AGFG2: variants seen among roughly 807,000 people sequenced by gnomAD.
AGFG2 encodes the protein ArfGAP with FG repeats 2, also known as arf-GAP domain and FG repeat-containing protein 2.
A neutral mutation model predicts 48.0 loss-of-function variants in AGFG2; 31 were observed. The observed-to-expected ratio is 0.65, with a 90% confidence interval of 0.49 to 0.87. AGFG2 has a LOEUF of 0.87. Among genes scored for constraint, AGFG2 ranks in the 40% least tolerant of loss-of-function variants. The pLI is 0.00. For synonymous variants in AGFG2, 229 were observed against 260.8 expected (o/e 0.88, Z 1.18); for missense variants, 599 against 632.6 (o/e 0.95, Z 0.57).
At position 100,555,496 on chromosome 7, in the gene AGFG2, C is replaced by T; in HGVS notation, c.752-114C>T. On this transcript the variant is annotated intron_variant, in intron 5 of 11. Transcript: ENST00000300176. ...CCATGTTGACCAGGCTGGTCTTGAA[C>T]TTCTGACCTCAAGTGATCTGCCCAC... 5.9e-6 allele frequency: 7 copies of T among 1,187,484 alleles called. No individual in the cohort carries two copies. In the South Asian group the frequency reaches 8.4e-5, roughly 14 times the overall value. 73.6% of individuals were successfully genotyped at this position (1,187,484 alleles called of 1,614,324 possible).
chr7:100,562,337 G>C lies in AGFG2; in HGVS notation c.956G>C (p.Ser319Thr), dbSNP rs766330369. 9.9e-6 allele frequency: 16 copies of C among 1,614,148 alleles called. No individual in the cohort carries two copies. The highest frequency in any genetic ancestry group is 1.3e-5 in the Non-Finnish European group (15 of 1,180,026). ...SQPNSLADVG[S>T]FLGPGVPAAG... ...CCAAACAGCCTCGCAGACGTGGGCA[G>C]CTTCCTGGGACCCGGGGTGCCCGCT... Residue 319 changes from serine to threonine, a missense_variant, in exon 7 of 12, where the codon AGC (serine) becomes ACC (threonine). Ser to Thr is a moderately conservative substitution (Grantham distance 58, BLOSUM62 1). Coordinates refer to ENST00000300176, the MANE Select transcript of AGFG2 (RefSeq NM_006076.5). The surrounding 1 kb of genome is among the most constrained non-coding windows in gnomAD (Gnocchi z 5.4).
intron 1 of AGFG2, among the ~76,000 whole-genome samples, chr7:100,548,066 C>G (rs1230708214): frequency 6.6e-6 from 1 of 152,088 alleles, no homozygotes; most frequent in African/African-American, 2.4e-5. Context: ...GCCCTGGGAC[C>G]TTGGGGATGG....
rs890770989 is a variant in AGFG2, at chr7:100,553,294, C to T, written c.432-53C>T. The T allele has an allele frequency of 1.6e-5, 25 of 1,595,940 alleles. No homozygotes were observed. In the Middle Eastern group the frequency reaches 1.2e-3, roughly 74 times the overall value. Reference sequence around the variant, plus strand: ...TGTCTTCCCAAACATCTCAGCTGAGCGTGGTCCAAAGTTTTATCCCTCTCT... The same window carrying T: ...TGTCTTCCCAAACATCTCAGCTGAGTGTGGTCCAAAGTTTTATCCCTCTCT... On this transcript the variant is annotated intron_variant, in intron 3 of 11. Coordinates refer to ENST00000300176, the MANE Select transcript of AGFG2 (RefSeq NM_006076.5).
chr7:100,555,272 T>C (rs1800734434), intron 5 of AGFG2, among the ~76,000 whole-genome samples: 2 of 137,070 alleles, frequency 1.5e-5, no homozygotes, highest in African/African-American at 5.5e-5. Flanking sequence ...GGTTTTTTTT[T>C]TTTTTTTTTT....
chr7:100,545,910 G>T (rs1052339382), intron 1 of AGFG2, among the ~76,000 whole-genome samples: 1 of 152,140 alleles, frequency 6.6e-6, no homozygotes, highest in African/African-American at 2.4e-5. Context: ...GATTCAGAAA[G>T]AAAAACTCTG....
At chr7:100,561,328 T>C (rs1018999981) in intron 6 of AGFG2, among the ~76,000 whole-genome samples, 2 of 152,186 alleles carry the variant, frequency 1.3e-5, no homozygotes, top group African/African-American at 4.8e-5. Flanking sequence ...GGTTTCACCA[T>C]GTTGGCAAGG....
At chr7:100,550,995 GGGACTACA>G (rs1394766104) in intron 3 of AGFG2, among the ~76,000 whole-genome samples, 1 of 134,058 alleles carries the variant, frequency 7.5e-6, no homozygotes, top group African/African-American at 2.8e-5. Context: ...CCCAGTAACT[GGGACTACA>G]GGTGTGTGCC....
At position 100,554,218 on chromosome 7, in the gene AGFG2, C is replaced by T. The variant is rs749122018; in HGVS notation, c.711C>T (p.Pro237=). ...ADIGGDPFAA[P]QMAPAFAAFP... is the part of the protein sequence containing the mutation. ...TCGGTGGAGACCCCTTTGCTGCACC[C>T]CAGATGGCACCAGCTTTTGCTGCAT... Residue 237 remains proline, a synonymous_variant, in exon 5 of 12, where the codon CCC becomes CCT. Coordinates refer to ENST00000300176, the MANE Select transcript of AGFG2 (RefSeq NM_006076.5). 1.2e-6 allele frequency: 2 copies of T among 1,613,808 alleles called. No individual in the cohort carries two copies. The highest frequency in any genetic ancestry group is 1.7e-6 in the Non-Finnish European group (2 of 1,179,922).
intron 1 of AGFG2, among the ~76,000 whole-genome samples, chr7:100,543,146 C>G (rs1184369967): frequency 1.3e-5 from 2 of 152,126 alleles, no homozygotes; most frequent in Non-Finnish European, 2.9e-5. Context: ...TCACTGCAAC[C>G]TCCACCTCCT....
At chr7:100,548,315 AG>A (rs1301761080) in intron 1 of AGFG2, among the ~76,000 whole-genome samples, 1 of 125,348 alleles carries the variant, frequency 8.0e-6, no homozygotes, top group Non-Finnish European at 1.7e-5. Flanking sequence ...TGGGGGTTGG[AG>A]GGGGGTGGTG....
intron 1 of AGFG2, among the ~76,000 whole-genome samples, chr7:100,546,567 A>T (rs1483631106): frequency 6.6e-6 from 1 of 152,022 alleles, no homozygotes; most frequent in African/African-American, 2.4e-5. Flanking sequence ...TGATAAGATA[A>T]CTCTGTCCTA....
chr7:100,565,008 G>T lies in AGFG2; in HGVS notation c.*17G>T, dbSNP rs772531852. The T allele has an allele frequency of 6.2e-7, 1 of 1,613,824 alleles. No homozygotes were observed. On this transcript the variant is annotated 3_prime_UTR_variant, in exon 12 of 12. Transcript: ENST00000300176. ...TTCTTGTAGCACTGTGTTTTTGGGG[G>T]GCCTCTTCCCTGCCTTCTGGGGCCC...
chr7:100,547,287 G>A (rs1800530895), intron 1 of AGFG2, among the ~76,000 whole-genome samples: 1 of 151,032 alleles, frequency 6.6e-6, no homozygotes, highest in African/African-American at 2.4e-5. Context: ...CACCTTCTTT[G>A]TGAATTTTCA....
rs1232811686 is a variant in AGFG2 at position 100,567,920 on chromosome 7, C to G, written c.*2929C>G. 4 of 152,402 alleles carry G rather than the reference C, an allele frequency of 2.6e-5. No individual in the cohort carries two copies. The highest frequency in any genetic ancestry group is 9.7e-5 in the African/African-American group (4 of 41,414). The allele number at this position is 152,402 out of a possible 1,614,324, so 9.4% of individuals were successfully genotyped here. On this transcript the variant is annotated 3_prime_UTR_variant, in exon 12 of 12. Transcript: ENST00000300176. ...TGTTGCCAAGGCAACTGATGTAGGCCAGTTGCGTGACTCCAGGTTTGTCCT... is the reference window on the plus strand; with the variant it reads ...TGTTGCCAAGGCAACTGATGTAGGCGAGTTGCGTGACTCCAGGTTTGTCCT...
At position 100,566,838 on chromosome 7, in the gene AGFG2, C is replaced by T. The variant is rs189093492; in HGVS notation, c.*1847C>T. The T allele has an allele frequency of 1.3e-5, 2 of 152,376 alleles. No individual in the cohort carries two copies. The highest frequency in any genetic ancestry group is 3.9e-4 in the East Asian group (2 of 5,186). The allele number at this position is 152,376 out of a possible 1,614,324, so 9.4% of individuals were successfully genotyped here. A position where few individuals can be genotyped will look rare whatever the true frequency, so the allele number is the denominator to read the frequency against. ...TATCTCTGTGTCCCTCTACCTAATTCTCTTACCAGTTCTTTCCTTTCTGCT... is the reference window on the plus strand; with the variant it reads ...TATCTCTGTGTCCCTCTACCTAATTTTCTTACCAGTTCTTTCCTTTCTGCT... On this transcript the variant is annotated 3_prime_UTR_variant, in exon 12 of 12. Transcript: ENST00000300176.
At position 100,562,733 on chromosome 7, in the gene AGFG2, G is replaced by A; in HGVS notation, c.1087+51G>A. 6.3e-7 allele frequency: 1 copy of A among 1,593,504 alleles called. No individual in the cohort carries two copies. The highest frequency in any genetic ancestry group is 8.5e-7 in the Non-Finnish European group (1 of 1,170,444). Reference sequence around the variant, plus strand: ...GGGAGGGGACCTGAGGCCAGGAGGAGTCTAAGGACTCTGGACAGGGTGGGA... The same window carrying A: ...GGGAGGGGACCTGAGGCCAGGAGGAATCTAAGGACTCTGGACAGGGTGGGA... On this transcript the variant is annotated intron_variant, in intron 8 of 11. Transcript: ENST00000300176. The surrounding 1 kb of genome is among the most constrained non-coding windows in gnomAD (Gnocchi z 5.4).
rs1281061980 is a variant in AGFG2, at chr7:100,554,021, C to T, written c.586-72C>T. 6 of 1,536,062 alleles carry T rather than the reference C, an allele frequency of 3.9e-6. No individual in the cohort carries two copies. In the East Asian group the frequency reaches 1.1e-4, roughly 29 times the overall value. On this transcript the variant is annotated intron_variant, in intron 4 of 11. Transcript: ENST00000300176. ...TCTCTACCTGCCTATCTGAGGGCAA[C>T]CTGGGGAGCCAGAGGAGGGCCTGGG...
chr7:100,554,896 T>C (rs1289962383), intron 5 of AGFG2, among the ~76,000 whole-genome samples: 1 of 130,548 alleles, frequency 7.7e-6, no homozygotes, highest in Non-Finnish European at 1.5e-5. Context: ...CACAATTGCA[T>C]CACTGGACTC....
At chr7:100,543,988 C>T (rs950654841) in intron 1 of AGFG2, among the ~76,000 whole-genome samples, 1 of 152,200 alleles carries the variant, frequency 6.6e-6, no homozygotes, top group African/African-American at 2.4e-5. Flanking sequence ...ATGAATCTGT[C>T]ATTTGAATCT....
Sources: gnomAD v4.1 joint callset for allele counts (sites outside exome capture counted in the v4.1 genomes callset) on GRCh38, gnomAD v4.1.1 for gene constraint, Gnocchi (gnomAD v3.1) non-coding constraint, MANE v1.5 for transcripts, NCBI Gene and HGNC (gene_info 2026-07-23, HGNC 2026-07-21) for gene names.